IFT52: variants seen among roughly 807,000 people sequenced by gnomAD.
IFT52 encodes the protein intraflagellar transport 52, also known as intraflagellar transport protein 52 homolog.
IFT52 carries 44 observed loss-of-function variants against 54.4 expected under a neutral mutation model. That is an observed-to-expected ratio of 0.81 (90% CI 0.63 to 1.04). The LOEUF is 1.04. IFT52 is among the 50% of genes least tolerant of loss of function. The pLI is 0.00. For synonymous variants in IFT52, 181 were observed against 185.3 expected (o/e 0.98, Z 0.19); for missense variants, 452 against 523.6 (o/e 0.86, Z 1.33).
At chr20:43,616,509 C>CAAAAAAAAAAAAAAAA (rs1020264770) in intron 7 of IFT52, among the ~76,000 whole-genome samples, 1 of 60,734 alleles carries the variant, frequency 1.6e-5, no homozygotes, top group South Asian at 5.3e-4. Flanking sequence ...ACACTGTCTC[C>CAAAAAAAAAAAAAAAA]AAAAAAAAAA....
At chr20:43,619,910 C>CTTTTTTTTTTTTTTTTTT (rs11482384) in intron 8 of IFT52, among the ~76,000 whole-genome samples, 2 of 82,776 alleles carry the variant, frequency 2.4e-5, no homozygotes, top group Admixed American at 2.0e-4. Context: ...AGATATTCTA[C>CTTTTTTTTTTTTTTTTTT]TTTTTTTTTT....
At chr20:43,600,737 G>A (rs1299210557) in intron 3 of IFT52, among the ~76,000 whole-genome samples, 1 of 152,096 alleles carries the variant, frequency 6.6e-6, no homozygotes, top group African/African-American at 2.4e-5. Context: ...TTGGGAGGCC[G>A]AGGCGGGTGG....
chr20:43,637,979 G>A (rs547156287), intron 12 of IFT52, among the ~76,000 whole-genome samples: 1 of 152,268 alleles, frequency 6.6e-6, no homozygotes, highest in East Asian at 1.9e-4. Context: ...AGAGCCAAGT[G>A]TGCCCACCTT....
intron 10 of IFT52, among the ~76,000 whole-genome samples, chr20:43,634,395 A>C (rs371741821): frequency 1.6e-4 from 25 of 152,208 alleles, no homozygotes; most frequent in African/African-American, 5.8e-4. Flanking sequence ...AAAATTCAGA[A>C]TTTCAACCAG....
chr20:43,623,947 G>A lies in IFT52; in HGVS notation c.825G>A (p.Glu275=), dbSNP rs73274323. ...CCACCCTATCAAAGCGGAATCGAGA[G>A]TGTCTCCAGGAGAGTGATGAGATCC... is the stretch of plus-strand genomic sequence containing the variant. ...YTATLSKRNR[E]CLQESDEIPR... Residue 275 remains glutamate, a synonymous_variant, in exon 10 of 14, where the codon GAG becomes GAA. Transcript: ENST00000373030. 4,219 of 1,614,102 alleles carry A rather than the reference G, an allele frequency of 2.6e-3. 108 individuals carry two copies. The African/African-American group carries it at 0.049, about 19-fold the overall frequency.
chr20:43,598,370 TTG>T (rs1442092102), intron 3 of IFT52, among the ~76,000 whole-genome samples: 1 of 152,126 alleles, frequency 6.6e-6, no homozygotes, highest in Non-Finnish European at 1.5e-5. Flanking sequence ...GTTCTGCAGA[TTG>T]ATTGCCTAAC....
At chr20:43,615,440 T>C (rs1983784975) in intron 7 of IFT52, among the ~76,000 whole-genome samples, 1 of 152,234 alleles carries the variant, frequency 6.6e-6, no homozygotes, top group Non-Finnish European at 1.5e-5. Flanking sequence ...TCTAGGGACC[T>C]AGGTGTCTCT....
chr20:43,610,289 C>T (rs1426571606), intron 6 of IFT52, among the ~76,000 whole-genome samples: 2 of 36,538 alleles, frequency 5.5e-5, no homozygotes, highest in African/African-American at 1.7e-4. Context: ...GAGACACCAA[C>T]GCAAAAAAAA....
chr20:43,597,919 A>G (rs1982121762), intron 3 of IFT52, among the ~76,000 whole-genome samples: 2 of 150,174 alleles, frequency 1.3e-5, no homozygotes, highest in South Asian at 2.1e-4. Context: ...AAACTGCCAT[A>G]TGATCTAGCA....
intron 13 of IFT52, 27 bp downstream of exon 13, chr20:43,642,651 G>T (rs1172401237): frequency 6.2e-7 from 1 of 1,609,536 alleles, no homozygotes; most frequent in South Asian, 1.1e-5. Context: ...GCACAGTGTA[G>T]TGGGAGCCCC....
At chr20:43,621,800 C>T (rs906701074) in intron 9 of IFT52, among the ~76,000 whole-genome samples, 2 of 152,180 alleles carry the variant, frequency 1.3e-5, no homozygotes, top group African/African-American at 4.8e-5. Context: ...AACACTAATA[C>T]CCGTGTTCTC....
chr20:43,618,318 C>T (rs1480660256), intron 7 of IFT52: 1 of 150,238 alleles, frequency 6.7e-6, no homozygotes, highest in Non-Finnish European at 1.5e-5. Flanking sequence ...TCAAGTGATT[C>T]TCCTGCCCCA....
At chr20:43,613,367 T>G (rs1023160495) in intron 6 of IFT52, among the ~76,000 whole-genome samples, 1 of 152,256 alleles carries the variant, frequency 6.6e-6, no homozygotes, top group Non-Finnish European at 1.5e-5. Flanking sequence ...ACTTACACTT[T>G]CCTGTTAATT....
intron 6 of IFT52, among the ~76,000 whole-genome samples, chr20:43,610,380 A>G (rs1200226468): frequency 2.0e-5 from 3 of 151,988 alleles, no homozygotes; most frequent in African/African-American, 4.8e-5. Flanking sequence ...AACAAAGTCA[A>G]GTCATAAGGG....
chr20:43,615,346 AC>A (rs1265299437), intron 7 of IFT52, among the ~76,000 whole-genome samples: 1 of 150,892 alleles, frequency 6.6e-6, no homozygotes, highest in Non-Finnish European at 1.5e-5. Flanking sequence ...CCCAGCCCCC[AC>A]TGCGTTTTAA....
chr20:43,617,556 G>A (rs1983954791), intron 7 of IFT52, among the ~76,000 whole-genome samples: 1 of 151,756 alleles, frequency 6.6e-6, no homozygotes, highest in Non-Finnish European at 1.5e-5. Context: ...TGATTCTCAT[G>A]CCTCAGCTTC....
chr20:43,620,465 C>G (rs6017126), intron 8 of IFT52, among the ~76,000 whole-genome samples: 1 of 152,122 alleles, frequency 6.6e-6, no homozygotes, highest in Non-Finnish European at 1.5e-5. Flanking sequence ...CGAGGCCAGC[C>G]TGACCAACAT....
intron 13 of IFT52, among the ~76,000 whole-genome samples, chr20:43,643,724 A>G (rs1986071896): frequency 1.7e-5 from 1 of 58,346 alleles, no homozygotes; most frequent in Non-Finnish European, 4.1e-5. Flanking sequence ...GGTATGCTTG[A>G]CGAACGGCAG....
chr20:43,615,764 C>T (rs1246732356), intron 7 of IFT52, among the ~76,000 whole-genome samples: 1 of 151,896 alleles, frequency 6.6e-6, no homozygotes, highest in Admixed American at 6.6e-5. Flanking sequence ...TGGTGAAACC[C>T]CCTCTCTACT....
Sources: allele counts gnomAD v4.1 joint callset (sites outside exome capture counted in the v4.1 genomes callset), GRCh38; gene constraint gnomAD v4.1.1; transcripts MANE v1.5; gene names NCBI Gene and HGNC (gene_info 2026-07-23, HGNC 2026-07-21).